The following CXCL13 variants were observed in gnomAD, a reference collection of about 807,000 sequenced individuals.
CXCL13 encodes C-X-C motif chemokine 13.
CXCL13 carries 7 observed loss-of-function variants against 12.2 expected under a neutral mutation model. The observed-to-expected ratio is 0.57, with a 90% CI of 0.33 to 1.07. The LOEUF (loss-of-function observed/expected upper bound fraction) is 1.07. CXCL13 is among the 50% of genes least tolerant of loss of function. The pLI is 0.04. For missense variants in CXCL13, 113 were observed against 127.4 expected (o/e 0.89, Z 0.55); for synonymous variants, 47 against 42.4 (o/e 1.11, Z -0.42).
At chr4:77,520,007 C>A (rs1724546702) in intron 1 of CXCL13, among the ~76,000 whole-genome samples, 1 of 152,138 alleles carries the variant, frequency 6.6e-6, no homozygotes, top group Non-Finnish European at 1.5e-5. Flanking sequence ...TCAGGTTTGT[C>A]AAAGATCAGA....
chr4:77,534,681 G>A (rs763155322), intron 1 of CXCL13, among the ~76,000 whole-genome samples: 2 of 152,102 alleles, frequency 1.3e-5, no homozygotes, highest in Non-Finnish European at 2.9e-5. Flanking sequence ...GTTTGTGTTG[G>A]GATCAATTTC....
chr4:77,528,569 A>G (rs1393956347), intron 1 of CXCL13, among the ~76,000 whole-genome samples: 1 of 152,206 alleles, frequency 6.6e-6, no homozygotes, highest in African/African-American at 2.4e-5. Flanking sequence ...GGCTGCATAA[A>G]TGTCTTCTTT....
chr4:77,565,701 C>T (rs558758229), intron 1 of CXCL13, among the ~76,000 whole-genome samples: 8 of 152,062 alleles, frequency 5.3e-5, no homozygotes, highest in South Asian at 2.1e-4. Flanking sequence ...AAGGACTCAC[C>T]GTCTAGTAGT....
chr4:77,563,696 C>T (rs188579515), intron 1 of CXCL13, among the ~76,000 whole-genome samples: 22 of 152,284 alleles, frequency 1.4e-4, no homozygotes, highest in South Asian at 1.0e-3. Context: ...GATTCTATGA[C>T]GTTTATTAAA....
intron 1 of CXCL13, among the ~76,000 whole-genome samples, chr4:77,588,665 C>G (rs551107395): frequency 6.6e-6 from 1 of 152,360 alleles, no homozygotes; most frequent in African/African-American, 2.4e-5. Context: ...TCAGTTCTCT[C>G]TAGCCTGAGA....
chr4:77,609,329 T>C (rs1473430488), intron 2 of CXCL13, among the ~76,000 whole-genome samples: 2 of 152,140 alleles, frequency 1.3e-5, no homozygotes, highest in Non-Finnish European at 2.9e-5. Flanking sequence ...TTGTTTTGTT[T>C]TGAGACAGGA....
Position 77,555,089 on chromosome 4 carries a change from A to C in CXCL13, c.-43+43301A>C, listed in dbSNP as rs189357931. Among the ~76,000 whole-genome samples, 29 of 152,088 alleles carry C rather than the reference A, an allele frequency of 1.9e-4. No individual in the cohort carries two copies. In the East Asian group the frequency reaches 5.6e-3, roughly 29 times the overall value. ...AGGTAAGAAATAAAAATATGAATAA[A>C]ATAAATGAAATTTGAAAATATTTAA... On this transcript the variant is annotated intron_variant, in intron 1 of 4. Coordinates refer to the CXCL13 transcript ENST00000286758.
chr4:77,556,062 A>G (rs148062339), intron 1 of CXCL13, among the ~76,000 whole-genome samples: 51 of 152,306 alleles, frequency 3.3e-4, no homozygotes, highest in African/African-American at 1.2e-3. Flanking sequence ...TTCCTTACTT[A>G]TTTACACTGC....
intron 1 of CXCL13, among the ~76,000 whole-genome samples, chr4:77,559,262 G>A (rs1038651343): frequency 1.3e-5 from 2 of 152,188 alleles, no homozygotes; most frequent in Non-Finnish European, 2.9e-5. Flanking sequence ...GGACTGAGGG[G>A]AGAGAGGGGA....
upstream of CXCL13, among the ~76,000 whole-genome samples, chr4:77,605,504 A>G (rs1409540718): frequency 6.6e-6 from 1 of 152,172 alleles, no homozygotes; most frequent in East Asian, 1.9e-4. Context: ...CACTGAGAGA[A>G]GCACTCAAAA....
Position 77,605,828 on chromosome 4 carries a change from G to A in CXCL13, c.-38G>A, listed in dbSNP as rs1237798325. On this transcript the variant is annotated 5_prime_UTR_variant, in exon 1 of 4. Transcript: ENST00000682537. ...TCTGGTACTGCAAACCCACAGCCTG[G>A]ACTCAGAGCTCAAGTCTGAACTCTA... 6.9e-7 allele frequency: 1 copy of A among 1,454,204 alleles called. No homozygotes were observed. The highest frequency in any genetic ancestry group is 9.5e-7 in the Non-Finnish European group (1 of 1,052,926). The allele number at this position is 1,454,204 out of a possible 1,614,324, so 90.1% of individuals were successfully genotyped here. A position where few individuals can be genotyped will look rare whatever the true frequency, so the allele number is the denominator to read the frequency against.
At chr4:77,564,311 C>A (rs1294424357) in intron 1 of CXCL13, among the ~76,000 whole-genome samples, 1 of 152,156 alleles carries the variant, frequency 6.6e-6, no homozygotes, top group Admixed American at 6.5e-5. Flanking sequence ...GGTATCAGGA[C>A]GTTCTGTACT....
upstream of CXCL13, among the ~76,000 whole-genome samples, chr4:77,603,377 A>G (rs1726933345): frequency 6.6e-6 from 1 of 152,240 alleles, no homozygotes; most frequent in Non-Finnish European, 1.5e-5. Flanking sequence ...GAATAGTGCT[A>G]GGACAAAGGA....
intron 1 of CXCL13, among the ~76,000 whole-genome samples, chr4:77,530,956 G>C (rs1011121902): frequency 6.6e-6 from 1 of 151,828 alleles, no homozygotes; most frequent in Non-Finnish European, 1.5e-5. Context: ...ATGTGTCCCA[G>C]AGATTCTGGT....
At chr4:77,573,153 A>G (rs1317036607) in intron 1 of CXCL13, among the ~76,000 whole-genome samples, 1 of 151,888 alleles carries the variant, frequency 6.6e-6, no homozygotes, top group Non-Finnish European at 1.5e-5. Flanking sequence ...TAATACCTGG[A>G]TGTTGAAATA....
intron 1 of CXCL13, among the ~76,000 whole-genome samples, chr4:77,558,702 TG>T (rs1289087485): frequency 6.6e-6 from 1 of 152,138 alleles, no homozygotes; most frequent in Non-Finnish European, 1.5e-5. Context: ...ATTCAAGATA[TG>T]GGGGGCATCA....
At chr4:77,570,448 GGGCTAGGCATGGT>G (rs1327178447) in intron 1 of CXCL13, among the ~76,000 whole-genome samples, 1 of 152,186 alleles carries the variant, frequency 6.6e-6, no homozygotes, top group Non-Finnish European at 1.5e-5. Context: ...AGTGGGCAAA[GGGCTAGGCATGGT>G]GGCTCATGCC....
intron 3 of CXCL13, 128 bp from the exon 4 acceptor site, chr4:77,610,860 C>A: frequency 1.1e-6 from 1 of 924,240 alleles, no homozygotes; most frequent in Non-Finnish European, 1.7e-6. Context: ...TAGCTCATTC[C>A]AGCAGCTCAG....
At chr4:77,531,602 G>C (rs1398560749) in intron 1 of CXCL13, among the ~76,000 whole-genome samples, 1 of 152,090 alleles carries the variant, frequency 6.6e-6, no homozygotes, top group Admixed American at 6.6e-5. Context: ...GGATATCCTT[G>C]TTAACTTTCT....
Sources: allele counts gnomAD v4.1 joint callset (sites outside exome capture counted in the v4.1 genomes callset), GRCh38; gene constraint gnomAD v4.1.1; transcripts MANE v1.5; gene names NCBI Gene and HGNC (gene_info 2026-07-23, HGNC 2026-07-21).